Variants in KIF26B observed in about 807,000 individuals in gnomAD.
The protein encoded by KIF26B is kinesin-like protein KIF26B.
In KIF26B, 63 loss-of-function variants were observed where a neutral mutation model predicts 151.2. That is an observed-to-expected ratio of 0.42 (90% CI 0.34 to 0.51). The LOEUF is 0.51. KIF26B is among the 20% of genes least tolerant of loss of function. KIF26B has a pLI of 0.07. For synonymous variants in KIF26B, 1,357 were observed against 1,262.1 expected, an observed-to-expected ratio of 1.08 and a Z score of -1.59; for missense variants, 2,813 against 2,913.6, an observed-to-expected ratio of 0.97 and a Z score of 0.79.
chr1:245,695,256 C>T (rs890557428), intron 12 of KIF26B, among the ~76,000 whole-genome samples: 5 of 152,296 alleles, frequency 3.3e-5, no homozygotes, highest in East Asian at 3.9e-4. Context: ...GCAGTAACAT[C>T]GCTTCCTGTG....
intron 3 of KIF26B, among the ~76,000 whole-genome samples, chr1:245,419,286 A>G (rs1300263418): frequency 6.6e-6 from 1 of 152,234 alleles, no homozygotes; most frequent in East Asian, 1.9e-4. Flanking sequence ...GAGTGCATGG[A>G]TAATGGTTCA....
In KIF26B at chr1:245,685,456, C is replaced by T. The variant is rs201582888; in HGVS notation, c.2473C>T (p.Arg825Cys). 4.7e-5 allele frequency: 76 copies of T among 1,613,488 alleles called. No individual in the cohort carries two copies. Among genetic ancestry groups the T allele is most frequent in the Non-Finnish European group, 5.8e-5 (69 of 1,179,808 alleles). Residue 825 changes from arginine to cysteine, a missense_variant, in exon 12 of 15, where the codon CGC (arginine) becomes TGC (cysteine). Coordinates refer to ENST00000407071, the MANE Select transcript of KIF26B (RefSeq NM_018012.4). ...GESSCEEGRMRRPTQLRPFHT... is the reference protein window; with the variant it reads ...GESSCEEGRMCRPTQLRPFHT... ...GAGCTCCTGCGAAGAAGGCCGCATG[C>T]GCAGGCCCACCCAGCTGAGACCCTT...
intron 2 of KIF26B, among the ~76,000 whole-genome samples, chr1:245,257,523 G>C (rs80133032): frequency 4.1e-4 from 63 of 152,320 alleles, no homozygotes; most frequent in African/African-American, 1.5e-3. Flanking sequence ...GAAGAGACTG[G>C]AACACTTTTC....
chr1:245,158,242 G>T (rs1668477293), intron 2 of KIF26B, among the ~76,000 whole-genome samples: 1 of 152,056 alleles, frequency 6.6e-6, no homozygotes, highest in South Asian at 2.1e-4. Flanking sequence ...GGCTTTGGGT[G>T]TTCCTATATG....
chr1:245,514,677 C>A lies in KIF26B; in HGVS notation c.1167-26090C>A, dbSNP rs534900036. Among the ~76,000 whole-genome samples, 574 of 152,282 alleles carry A rather than the reference C, an allele frequency of 3.8e-3. 1 individual carries two copies. The highest frequency in any genetic ancestry group is 0.01 in the Middle Eastern group (3 of 294). Reference sequence around the variant, plus strand: ...TGACCAGAGGAAGGACTTGGCTTCTCTCCTAGACATTTTTTCTCGTATCTT... The same window carrying A: ...TGACCAGAGGAAGGACTTGGCTTCTATCCTAGACATTTTTTCTCGTATCTT... On this transcript the variant is annotated intron_variant, in intron 4 of 14. Coordinates refer to ENST00000407071, the MANE Select transcript of KIF26B (RefSeq NM_018012.4).
chr1:245,632,331 G>A (rs1007415234), intron 9 of KIF26B, among the ~76,000 whole-genome samples: 1 of 152,078 alleles, frequency 6.6e-6, no homozygotes, highest in African/African-American at 2.4e-5. Context: ...TATTTGTACA[G>A]TTTCTAAAGT....
At position 245,374,059 on chromosome 1, in the gene KIF26B, CAAAAAAAAAAAAAAA is replaced by C. The variant is rs1172397969; in HGVS notation, c.999+6714_999+6728del. Among the ~76,000 whole-genome samples the C allele has an allele frequency of 4.0e-4, 7 of 17,476 alleles. 1 individual carries two copies. Among genetic ancestry groups the C allele is most frequent in the African/African-American group, 1.2e-3 (6 of 5,168 alleles). 11.5% of individuals were successfully genotyped at this position (17,476 alleles called of 152,430 possible). A position where few individuals can be genotyped will look rare whatever the true frequency, so the allele number is the denominator to read the frequency against. Reference sequence around the variant, plus strand: ...GTGACAGAGACCCGAGAACCTATCTCAAAAAAAAAAAAAAAAAAAAAAAAAAAAAAAAAAAATATA... The same window carrying C: ...GTGACAGAGACCCGAGAACCTATCTCAAAAAAAAAAAAAAAAAAAAATATA... On this transcript the variant is annotated intron_variant, in intron 3 of 14. Coordinates refer to ENST00000407071, the MANE Select transcript of KIF26B (RefSeq NM_018012.4).
intron 4 of KIF26B, among the ~76,000 whole-genome samples, chr1:245,523,856 A>G (rs1283862537): frequency 1.3e-5 from 2 of 152,242 alleles, no homozygotes; most frequent in South Asian, 2.1e-4. Flanking sequence ...GATTAATCCA[A>G]TGTCAGCATA....
rs1380004495 is a variant in KIF26B at position 245,245,124 on chromosome 1, G to A, written c.465+88441G>A. Among the ~76,000 whole-genome samples, 3 of 152,208 alleles carry A rather than the reference G, an allele frequency of 2.0e-5. No homozygotes were observed. The East Asian group carries it at 5.8e-4, about 29-fold the overall frequency. On this transcript the variant is annotated intron_variant, in intron 2 of 14. Coordinates refer to ENST00000407071, the MANE Select transcript of KIF26B (RefSeq NM_018012.4). ...AAAAAAGAACTTGATGGAGGCAGTT[G>A]CCTGTTTAGCAGACGGGATCTGAAT...
chr1:245,665,286 T>G (rs959683640), intron 10 of KIF26B, among the ~76,000 whole-genome samples: 5 of 152,216 alleles, frequency 3.3e-5, no homozygotes, highest in Admixed American at 2.0e-4. Context: ...ACAACTTATT[T>G]TGAACCACAA....
Position 245,367,074 on chromosome 1 carries a change from G to T in KIF26B, c.706G>T (p.Val236Leu), listed in dbSNP as rs369084969. ...NIPTLVGSRH[V>L]GGLQQPRDWA... ...CCCCACCCTGGTGGGGTCCCGGCAC[G>T]TGGGTGGGCTCCAGCAGCCCAGAGA... Residue 236 changes from valine to leucine, a missense_variant, in exon 3 of 15, where the codon GTG becomes TTG. Physicochemically the swap from Val to Leu is conservative, Grantham distance 32. This residue lies in a region of KIF26B where 676 missense variants were observed against 688.1 expected (regional missense o/e 0.98). Transcript: ENST00000407071. This position sits in a 1 kb window ranked among gnomAD's most constrained non-coding sequence, Gnocchi z 4.2. The T allele has an allele frequency of 1.2e-6, 2 of 1,602,348 alleles. No homozygotes were observed. Among genetic ancestry groups the T allele is most frequent in the African/African-American group, 2.7e-5 (2 of 74,572 alleles).
intron 6 of KIF26B, among the ~76,000 whole-genome samples, chr1:245,603,597 A>G (rs1157987643): frequency 6.6e-6 from 1 of 152,158 alleles, no homozygotes; most frequent in Non-Finnish European, 1.5e-5. Context: ...ACACTGGTGT[A>G]GAATAGCCTT....
intron 2 of KIF26B, among the ~76,000 whole-genome samples, chr1:245,159,468 C>T (rs1163403339): frequency 6.6e-6 from 1 of 152,118 alleles, no homozygotes; most frequent in East Asian, 1.9e-4. Flanking sequence ...ATGAATGAGA[C>T]TATTAAAACG....
intron 10 of KIF26B, among the ~76,000 whole-genome samples, chr1:245,662,330 T>TAC (rs541689901): frequency 0.022 from 3,171 of 144,768 alleles, 126 homozygotes; most frequent in African/African-American, 0.077. Context: ...CACCTAATGA[T>TAC]ATATACACAC....
At chr1:245,288,056 T>A (rs5013983) in intron 2 of KIF26B, among the ~76,000 whole-genome samples, 3,211 of 151,704 alleles carry the variant, frequency 0.021, 118 homozygotes, top group African/African-American at 0.072. Context: ...AAATTATTTT[T>A]TTTCATATTT....
rs1253106303 is a variant in KIF26B at position 245,708,737 on chromosome 1, T to G, written c.*6131T>G. On this transcript the variant is annotated 3_prime_UTR_variant, in exon 15 of 15. Transcript: ENST00000407071. ...CTAACTCCTCCAGAACTCAGTTTTCTAACCTATAAAATGAAGACATTGTGC... is the reference window on the plus strand; with the variant it reads ...CTAACTCCTCCAGAACTCAGTTTTCGAACCTATAAAATGAAGACATTGTGC... 6.6e-6 allele frequency: 1 copy of G among 152,238 alleles called. No individual in the cohort carries two copies. Among genetic ancestry groups the G allele is most frequent in the African/African-American group, 2.4e-5 (1 of 41,464 alleles). 9.4% of individuals were successfully genotyped at this position (152,238 alleles called of 1,614,324 possible).
intron 2 of KIF26B, chr1:245,282,890 G>T: frequency 3.5e-6 from 1 of 282,976 alleles, no homozygotes. Context: ...GGCATACATG[G>T]AGTATTAATG....
intron 3 of KIF26B, among the ~76,000 whole-genome samples, chr1:245,373,078 C>G (rs612101): frequency 0.59 from 90,254 of 152,094 alleles, 27,283 homozygotes; most frequent in African/African-American, 0.66. Flanking sequence ...TTTGAAGCTT[C>G]TTTTGTTCAG....
At chr1:245,384,316 A>G (rs1185168677) in intron 3 of KIF26B, among the ~76,000 whole-genome samples, 1 of 152,204 alleles carries the variant, frequency 6.6e-6, no homozygotes, top group Non-Finnish European at 1.5e-5. Flanking sequence ...TATAGCTACC[A>G]CTTGTGTACT....
Sources: allele counts gnomAD v4.1 joint callset (sites outside exome capture counted in the v4.1 genomes callset), GRCh38; gene constraint gnomAD v4.1.1; regional missense constraint gnomAD v4.1.1; non-coding constraint Gnocchi (gnomAD v3.1); transcripts MANE v1.5; gene names NCBI Gene and HGNC (gene_info 2026-07-23, HGNC 2026-07-21).